CRHR1: variants seen among roughly 807,000 people sequenced by gnomAD.
CRHR1 encodes the protein corticotropin-releasing hormone receptor 1.
A neutral mutation model predicts 56.0 loss-of-function variants in CRHR1; 28 were observed. The ratio of observed to expected loss-of-function variants is 0.50; its 90% confidence interval spans 0.37 to 0.69. CRHR1 has a LOEUF of 0.69. CRHR1 is among the 30% of genes least tolerant of loss of function. CRHR1 has a pLI of 0.00. For missense variants in CRHR1, 376 were observed against 548.0 expected (o/e 0.69, Z 3.13); for synonymous variants, 195 against 216.5 (o/e 0.90, Z 0.87).
intron 3 of CRHR1, among the ~76,000 whole-genome samples, chr17:45,817,305 G>A (rs1339994049): frequency 6.6e-6 from 1 of 152,250 alleles, no homozygotes. Context: ...AGCAACAGCT[G>A]TGGGCCAGGA....
intron 2 of CRHR1, among the ~76,000 whole-genome samples, chr17:45,811,724 C>T (rs1016740607): frequency 6.6e-6 from 1 of 152,218 alleles, no homozygotes; most frequent in African/African-American, 2.4e-5. Context: ...CGCAGGTTTT[C>T]TCCCTCACTT....
chr17:45,807,066 C>T lies in CRHR1; in HGVS notation c.90C>T (p.Cys30=), dbSNP rs543785844. 8.7e-6 allele frequency: 14 copies of T among 1,614,070 alleles called. No homozygotes were observed. Among genetic ancestry groups the T allele is most frequent in the African/African-American group, 4.0e-5 (3 of 75,046 alleles). The change falls in exon 2 of 13, where the codon TGC becomes TGT. Residue 30 remains cysteine, a synonymous_variant. Transcript: ENST00000314537. The stretch of plus-strand genomic sequence containing the variant: ...CTGCCTCCCTCCAGGACCAGCACTG[C>T]GAGAGCCTGTCCCTGGCCAGCAACA... The part of the protein sequence containing the change: ...PVSASLQDQH[C]ESLSLASNIS...
At chr17:45,832,123 C>T (rs777727268) in intron 8 of CRHR1, among the ~76,000 whole-genome samples, 2 of 151,906 alleles carry the variant, frequency 1.3e-5, no homozygotes, top group African/African-American at 4.8e-5. Flanking sequence ...TCCAGCTACT[C>T]GGGAAGGCTG....
At chr17:45,817,817 G>A (rs781444006) in intron 3 of CRHR1, among the ~76,000 whole-genome samples, 14 of 152,344 alleles carry the variant, frequency 9.2e-5, no homozygotes, top group Non-Finnish European at 1.5e-4. Context: ...GGGGCTTGGG[G>A]GCCAAGGGGA....
At chr17:45,810,243 C>A (rs2061795999) in intron 2 of CRHR1, among the ~76,000 whole-genome samples, 1 of 152,104 alleles carries the variant, frequency 6.6e-6, no homozygotes, top group African/African-American at 2.4e-5. Context: ...CCAGATCACG[C>A]CACTGCACTC....
At chr17:45,802,007 G>GT (rs534988754) in intron 1 of CRHR1, among the ~76,000 whole-genome samples, 4,077 of 146,398 alleles carry the variant, frequency 0.028, 62 homozygotes, top group East Asian at 0.041. Flanking sequence ...AATTCTCCGT[G>GT]TTTTTTTTTT....
chr17:45,795,499 T>C (rs568851089), intron 1 of CRHR1, among the ~76,000 whole-genome samples: 2 of 152,162 alleles, frequency 1.3e-5, no homozygotes, highest in South Asian at 4.1e-4. Flanking sequence ...CCTTTACCCA[T>C]TAAATGCCAG....
At chr17:45,797,253 T>C (rs35785975) in intron 1 of CRHR1, among the ~76,000 whole-genome samples, 25,219 of 150,644 alleles carry the variant, frequency 0.17, 3,409 homozygotes, top group African/African-American at 0.38. Flanking sequence ...GCGCACCTAG[T>C]CCCATGCTGT....
chr17:45,821,650 A>C (rs997678351), intron 4 of CRHR1, among the ~76,000 whole-genome samples: 3 of 152,228 alleles, frequency 2.0e-5, no homozygotes, highest in Non-Finnish European at 4.4e-5. Flanking sequence ...GGCACTGGGC[A>C]GGCTCTGATG....
At chr17:45,804,779 G>A (rs2061689776) in intron 1 of CRHR1, among the ~76,000 whole-genome samples, 1 of 151,550 alleles carries the variant, frequency 6.6e-6, no homozygotes, top group South Asian at 2.1e-4. Flanking sequence ...AGTGAAGCAA[G>A]TGAGGCATTT....
Position 45,834,640 on chromosome 17 carries a change from G to T in CRHR1, c.1124G>T (p.Arg375Leu). Residue 375 changes from arginine to leucine, a missense_variant, in exon 13 of 13, where the codon CGG becomes CTG. Arg to Leu is a moderately radical substitution (Grantham distance 102). Transcript: ENST00000314537. ...FLNSEVRSAI[R>L]KRWHRWQDKH... ...TGCCCACAGGTCCGTTCTGCCATCC[G>T]GAAGAGGTGGCACCGGTGGCAGGAC... 1 of 1,612,478 alleles carries T rather than the reference G, an allele frequency of 6.2e-7. No individual in the cohort carries two copies. The highest frequency in any genetic ancestry group is 8.5e-7 in the Non-Finnish European group (1 of 1,179,406).
intron 1 of CRHR1, among the ~76,000 whole-genome samples, chr17:45,785,022 TG>T (rs1011868669): frequency 3.9e-5 from 6 of 152,092 alleles, no homozygotes; most frequent in African/African-American, 1.4e-4. Context: ...GCCCTAGTCT[TG>T]GGAGCGCGTC....
At chr17:45,790,594 T>C (rs908987014) in intron 1 of CRHR1, among the ~76,000 whole-genome samples, 2 of 152,210 alleles carry the variant, frequency 1.3e-5, no homozygotes, top group African/African-American at 4.8e-5. Flanking sequence ...CCTGGCACTG[T>C]TGGGCCCAGA....
chr17:45,798,617 G>T (rs2061564480), intron 1 of CRHR1, among the ~76,000 whole-genome samples: 1 of 152,100 alleles, frequency 6.6e-6, no homozygotes, highest in Admixed American at 6.5e-5. Context: ...ACCTTGGAGG[G>T]GCGTGTGTGA....
chr17:45,791,714 C>T (rs148532772), intron 1 of CRHR1, among the ~76,000 whole-genome samples: 1 of 152,110 alleles, frequency 6.6e-6, no homozygotes, highest in African/African-American at 2.4e-5. Context: ...CCGCCATGAT[C>T]CCTTCCACCA....
chr17:45,784,628 G>T lies in CRHR1; in HGVS notation c.33+51G>T. On this transcript the variant is annotated intron_variant, in intron 1 of 12. Transcript: ENST00000314537. This position sits in a 1 kb window ranked among gnomAD's most constrained non-coding sequence, Gnocchi z 4.2. ...AGCGCTGGCGCCCCCGGCCCCTGGC[G>T]GACGCGGGACGGGGCTGGGCTGTGG... is the stretch of plus-strand genomic sequence containing the variant. 3 of 1,520,160 alleles carry T rather than the reference G, an allele frequency of 2.0e-6. No homozygotes were observed. Among genetic ancestry groups the T allele is most frequent in the Non-Finnish European group, 2.7e-6 (3 of 1,131,564 alleles). 94.2% of individuals were successfully genotyped at this position (1,520,160 alleles called of 1,614,324 possible).
intron 2 of CRHR1, among the ~76,000 whole-genome samples, chr17:45,810,279 TG>T (rs1568046956): frequency 6.6e-6 from 1 of 152,090 alleles, no homozygotes; most frequent in Non-Finnish European, 1.5e-5. Flanking sequence ...AGCGAGACTC[TG>T]TCTCAAATAA....
intron 1 of CRHR1, 63 bp from the exon 2 acceptor site, chr17:45,806,947 G>A: frequency 6.8e-7 from 1 of 1,468,984 alleles, no homozygotes; most frequent in African/African-American, 1.4e-5. Flanking sequence ...CCTGGGTGAT[G>A]GAGCAACATG....
rs1328393596 is a variant in CRHR1, at chr17:45,833,786, CG to C, written c.1006del (p.Glu336ArgfsTer97). The C allele has an allele frequency of 1.2e-6, 2 of 1,612,390 alleles. No homozygotes were observed. The highest frequency in any genetic ancestry group is 8.5e-7 in the Non-Finnish European group (1 of 1,179,248). The part of the protein sequence containing the change: ...ITYMLFFVNP[G>X]EDEVSRVVFI... ...CCTACATGCTGTTCTTCGTCAATCC[CG>C]GGGAGGATGAGGTCTCCCGGGTCGT... is the stretch of plus-strand genomic sequence containing the variant. On this transcript the variant is annotated frameshift_variant, in exon 11 of 13. Coordinates refer to ENST00000314537, the MANE Select transcript of CRHR1 (RefSeq NM_004382.5). LOFTEE classifies it high-confidence loss of function.
Sources: allele counts gnomAD v4.1 joint callset (sites outside exome capture counted in the v4.1 genomes callset), GRCh38; gene constraint gnomAD v4.1.1; non-coding constraint Gnocchi (gnomAD v3.1); transcripts MANE v1.5; gene names NCBI Gene and HGNC (gene_info 2026-07-23, HGNC 2026-07-21).